GGT1: variants seen among roughly 807,000 people sequenced by gnomAD.
GGT1 encodes the protein gamma-glutamyltransferase 1.
GGT1 carries 21 observed loss-of-function variants against 56.0 expected under a neutral mutation model. The ratio of observed to expected loss-of-function variants is 0.38; its 90% CI spans 0.27 to 0.54. The LOEUF (loss-of-function observed/expected upper bound fraction) is 0.54, where lower values mean the gene tolerates loss of function less well. GGT1 is among the 20% of genes least tolerant of loss of function. The probability of loss-of-function intolerance (pLI) is 0.82; values close to 1 mark genes in which losing one functional copy is unlikely to be tolerated. For synonymous variants in GGT1, 238 were observed against 342.6 expected (o/e 0.69, Z 3.37); for missense variants, 466 against 787.0 (o/e 0.59, Z 4.88).
rs3895577 is a variant in GGT1 at position 24,620,602 on chromosome 22, A to G, written c.575+82A>G. 15 of 1,605,236 alleles carry G rather than the reference A, an allele frequency of 9.3e-6. No homozygotes were observed. The highest frequency in any genetic ancestry group is 1.7e-5 in the Admixed American group (1 of 59,292). ...TTGCAGGCCGTAGCAGCAGTGGAGC[A>G]GCCCTCTGCCTTCAGGACCCTGTGC... On this transcript the variant is annotated intron_variant, in intron 8 of 15. Transcript: ENST00000400382. This position sits in a 1 kb window ranked among gnomAD's most constrained non-coding sequence, Gnocchi z 5.6.
chr22:24,592,788 C>T (rs2045611173), upstream of GGT1: 6 of 1,269,244 alleles, frequency 4.7e-6, no homozygotes, highest in Non-Finnish European at 6.0e-6. Context: ...ACCCATAGCC[C>T]CGCGCCTCCC....
At chr22:24,604,484 T>G (rs2045906598) in intron 1 of GGT1, among the ~76,000 whole-genome samples, 1 of 152,040 alleles carries the variant, frequency 6.6e-6, no homozygotes, top group African/African-American at 2.4e-5. Flanking sequence ...GAGGCTCAGT[T>G]GTGTGTGTGC....
At chr22:24,592,362 G>A, upstream of GGT1, 1 of 470,854 alleles carries the variant, frequency 2.1e-6, no homozygotes, top group East Asian at 7.0e-5. Context: ...GTGTCTTGGG[G>A]TGAGGCTGCA....
intron 7 of GGT1, among the ~76,000 whole-genome samples, chr22:24,616,277 G>T (rs1377630555): frequency 5.3e-5 from 8 of 151,790 alleles, no homozygotes; most frequent in Admixed American, 4.6e-4. Context: ...AGTCAGGCGT[G>T]GTGGCACAGG....
intron 7 of GGT1, among the ~76,000 whole-genome samples, chr22:24,616,159 A>C (rs895696498): frequency 6.6e-6 from 1 of 151,846 alleles, no homozygotes; most frequent in African/African-American, 2.4e-5. Context: ...TCACGCCTGT[A>C]ATCCCAGCAC....
At chr22:24,601,179 G>C (rs111690172), upstream of GGT1, among the ~76,000 whole-genome samples, 1 of 152,184 alleles carries the variant, frequency 6.6e-6, no homozygotes, top group Non-Finnish European at 1.5e-5. Flanking sequence ...CGGTTCTGGA[G>C]TATGGGCCAG....
rs188949931 is a variant in GGT1 at position 24,605,440 on chromosome 22, A to T, written c.-429+1913A>T. 6.9e-3 allele frequency among the ~76,000 whole-genome samples: 475 copies of T among 68,838 alleles called. 101 individuals are homozygous for T. The highest frequency in any genetic ancestry group is 8.4e-3 in the Non-Finnish European group (385 of 45,984). The allele number at this position is 68,838 out of a possible 152,430, so 45.2% of individuals were successfully genotyped here. On this transcript the variant is annotated intron_variant, in intron 1 of 15. Transcript: ENST00000400382. ...AATATGTATTATATATTATATAACA[A>T]TATATAATGTGTATTATATATAATA... is the stretch of plus-strand genomic sequence containing the variant.
upstream of GGT1, among the ~76,000 whole-genome samples, chr22:24,594,626 G>C (rs1028155401): frequency 1.3e-5 from 2 of 152,016 alleles, no homozygotes; most frequent in Non-Finnish European, 2.9e-5. Flanking sequence ...AGCAGTGCTT[G>C]CACCCCCTTC....
At chr22:24,608,484 C>T (rs935321690) in intron 2 of GGT1, among the ~76,000 whole-genome samples, 3 of 152,160 alleles carry the variant, frequency 2.0e-5, no homozygotes, top group African/African-American at 7.2e-5. Flanking sequence ...AGCTCATGAC[C>T]CTGAGCCTGG....
In GGT1 at chr22:24,605,902, T is replaced by C. The variant is rs1289676903; in HGVS notation, c.-428-2052T>C. ...AATATATGATGTGTATTATATATTA[T>C]ATAATATTATATGATGTGTATTATA... On this transcript the variant is annotated intron_variant, in intron 1 of 15. Coordinates refer to ENST00000400382, the MANE Select transcript of GGT1 (RefSeq NM_001288833.2). Among the ~76,000 whole-genome samples, 2 of 89,438 alleles carry C rather than the reference T, an allele frequency of 2.2e-5. 1 individual carries two copies. The highest frequency in any genetic ancestry group is 6.2e-4 in the East Asian group (2 of 3,232). 58.7% of individuals were successfully genotyped at this position (89,438 alleles called of 152,430 possible).
the GGT1 span, among the ~76,000 whole-genome samples, chr22:24,587,341 CCCG>C: frequency 6.6e-6 from 1 of 152,102 alleles, no homozygotes; most frequent in African/African-American, 2.4e-5. Context: ...GAGAAGGACC[CCCG>C]CCCCCACCAA....
chr22:24,623,342 G>C, intron 10 of GGT1, 86 bp downstream of exon 10: 2 of 1,370,704 alleles, frequency 1.5e-6, no homozygotes, highest in East Asian at 2.5e-5. Context: ...ATCTCTGCTC[G>C]CCCCCCATGC....
At chr22:24,586,498 A>G in the GGT1 span, 4,698 of 1,363,138 alleles carry the variant, frequency 3.4e-3, 126 homozygotes, top group African/African-American at 0.061. Flanking sequence ...GGAACAGCCC[A>G]GGCCTACAGT....
the GGT1 span, among the ~76,000 whole-genome samples, chr22:24,587,957 A>G: frequency 6.6e-6 from 1 of 152,064 alleles, no homozygotes; most frequent in Non-Finnish European, 1.5e-5. Flanking sequence ...CCAGGGATTG[A>G]GGGATGTATG....
chr22:24,596,369 TC>T (rs372447979), intron 1 of GGT1, among the ~76,000 whole-genome samples: 5 of 152,328 alleles, frequency 3.3e-5, no homozygotes, highest in African/African-American at 1.2e-4. Context: ...TTCTGGTGGC[TC>T]CTGGCAATCC....
the GGT1 span, chr22:24,586,036 C>T: frequency 6.2e-7 from 1 of 1,611,200 alleles, no homozygotes. Context: ...GCTGGCTCAG[C>T]CGCCGGCGCA....
chr22:24,601,424 GCACAGCCTTCCTGGTGT>G (rs2045780707), upstream of GGT1, among the ~76,000 whole-genome samples: 1 of 152,226 alleles, frequency 6.6e-6, no homozygotes, highest in South Asian at 2.1e-4. Flanking sequence ...GAAGTGGTTT[GCACAGCCTTCCTGGTGT>G]CATGGGTCAC....
chr22:24,623,597 G>GT (rs1180789906), intron 10 of GGT1, among the ~76,000 whole-genome samples, 183 bp from the exon 11 acceptor site: 1 of 149,168 alleles, frequency 6.7e-6, no homozygotes, highest in Non-Finnish European at 1.5e-5. Flanking sequence ...GATGCGTGAC[G>GT]TGAGGTCCAG....
chr22:24,587,770 TAG>T, the GGT1 span, among the ~76,000 whole-genome samples: 5 of 152,262 alleles, frequency 3.3e-5, no homozygotes, highest in Non-Finnish European at 5.9e-5. Flanking sequence ...AAAATCAGGG[TAG>T]AGTGTGGCCT....
Sources: allele counts gnomAD v4.1 joint callset (sites outside exome capture counted in the v4.1 genomes callset), GRCh38; gene constraint gnomAD v4.1.1; non-coding constraint Gnocchi (gnomAD v3.1); transcripts MANE v1.5; gene names NCBI Gene and HGNC (gene_info 2026-07-23, HGNC 2026-07-21).